Variants in DMD observed in about 807,000 individuals in gnomAD.
DMD encodes dystrophin, also known as mutant dystrophin.
In DMD, 63 loss-of-function variants were observed where a neutral mutation model predicts 330.1. The observed-to-expected ratio is 0.19, with a 90% CI of 0.16 to 0.24. The LOEUF (loss-of-function observed/expected upper bound fraction) is 0.24, where lower values mean the gene tolerates loss of function less well. DMD is among the 10% of genes least tolerant of loss of function. DMD has a pLI of 1.00. For synonymous variants in DMD, 1,223 were observed against 959.8 expected, an observed-to-expected ratio of 1.27 and a Z score of -5.07; for missense variants, 3,344 against 2,684.1, an observed-to-expected ratio of 1.25 and a Z score of -5.43.
chrX:32,872,658 G>C (rs1322966242), intron 2 of DMD, among the ~76,000 whole-genome samples: 1 of 112,135 alleles, frequency 8.9e-6, no homozygotes, highest in Non-Finnish European at 1.9e-5. Flanking sequence ...TTAAAAAGGA[G>C]ATTTTATAAA....
chrX:32,049,370 C>T (rs1346063880), intron 44 of DMD, among the ~76,000 whole-genome samples: 1 of 111,383 alleles, frequency 9.0e-6, no homozygotes, highest in African/African-American at 3.3e-5. Context: ...TCATGCATAA[C>T]CGCAACTACA....
chrX:31,479,901 C>T (rs535130630), intron 57 of DMD, among the ~76,000 whole-genome samples: 2 of 111,748 alleles, frequency 1.8e-5, no homozygotes, highest in Non-Finnish European at 3.8e-5. Flanking sequence ...CACACATAAT[C>T]GAGTGCTAAA....
rs1430593321 is a variant in DMD at position 31,683,919 on chromosome X, CTATAAG to C, written c.7661-4339_7661-4334del. On this transcript the variant is annotated intron_variant, in intron 52 of 78. Transcript: ENST00000357033. ...TTAATCACTTAATCATCATACAATCCTATAAGTATAATTGTTTACGTTCTTTTTCTA... is the reference window on the plus strand; with the variant it reads ...TTAATCACTTAATCATCATACAATCCTATAATTGTTTACGTTCTTTTTCTA... 2.9e-4 allele frequency among the ~76,000 whole-genome samples: 33 copies of C among 112,212 alleles called. 1 individual carries two copies. The highest frequency in any genetic ancestry group is 7.3e-4 in the South Asian group (2 of 2,728).
At chrX:32,539,669 A>G (rs766808342) in intron 17 of DMD, among the ~76,000 whole-genome samples, 4 of 112,195 alleles carry the variant, frequency 3.6e-5, no homozygotes, top group African/African-American at 9.7e-5. Flanking sequence ...GAGTCTCACA[A>G]AACTGCAGAG....
At chrX:33,285,816 C>T (rs1340987958) in intron 1 of DMD, among the ~76,000 whole-genome samples, 2 of 112,186 alleles carry the variant, frequency 1.8e-5, no homozygotes, top group Non-Finnish European at 3.8e-5. Context: ...ATGGAGATGG[C>T]CTATGGCCCC....
chrX:32,242,033 T>C (rs1382807087), intron 43 of DMD, among the ~76,000 whole-genome samples: 1 of 111,552 alleles, frequency 9.0e-6, no homozygotes, highest in Non-Finnish European at 1.9e-5. Context: ...AGACCCAAGA[T>C]AAGATGATTA....
chrX:31,801,630 TATTA>T (rs1377952720), intron 50 of DMD, among the ~76,000 whole-genome samples: 3 of 98,517 alleles, frequency 3.0e-5, no homozygotes, highest in African/African-American at 3.7e-5. Flanking sequence ...GTGCTAGATG[TATTA>T]ATTAATTTGA....
chrX:31,512,603 A>G (rs1194335591), intron 55 of DMD, among the ~76,000 whole-genome samples: 1 of 108,643 alleles, frequency 9.2e-6, no homozygotes, highest in African/African-American at 3.4e-5. Flanking sequence ...TCCTTTCCCC[A>G]TTGCTTGTTT....
chrX:32,857,089 AT>A (rs201380530), intron 2 of DMD, among the ~76,000 whole-genome samples: 157 of 110,296 alleles, frequency 1.4e-3, no homozygotes, highest in African/African-American at 3.0e-3. Flanking sequence ...AAAAAAAAAA[AT>A]TTGAAGTGGA....
intron 64 of DMD, among the ~76,000 whole-genome samples, chrX:31,216,552 A>AT (rs1344189395): frequency 8.9e-6 from 1 of 112,326 alleles, no homozygotes; most frequent in Non-Finnish European, 1.9e-5. Flanking sequence ...GAAAAAGTAG[A>AT]TTTTTGTAGG....
chrX:33,338,768 G>A (rs2054293154), intron 1 of DMD, among the ~76,000 whole-genome samples: 1 of 111,548 alleles, frequency 9.0e-6, no homozygotes. Context: ...AGAAATTGAT[G>A]AGGAGAAATG....
intron 62 of DMD, among the ~76,000 whole-genome samples, chrX:31,321,298 G>C (rs2056393975): frequency 9.1e-6 from 1 of 110,420 alleles, no homozygotes; most frequent in African/African-American, 3.3e-5. Context: ...TAGAAACCAA[G>C]GTTTGGCTGG....
intron 62 of DMD, among the ~76,000 whole-genome samples, chrX:31,275,927 A>G (rs2052075263): frequency 8.9e-6 from 1 of 112,523 alleles, no homozygotes; most frequent in Admixed American, 9.4e-5. Flanking sequence ...TATACTGTGC[A>G]TTGTTCTGTA....
chrX:32,321,737 C>A (rs1405491124), intron 41 of DMD, among the ~76,000 whole-genome samples: 1 of 111,817 alleles, frequency 8.9e-6, no homozygotes, highest in Non-Finnish European at 1.9e-5. Flanking sequence ...AATATCAAAA[C>A]CTTAACTGCA....
In DMD at chrX:32,496,700, C is replaced by T. The variant is rs73453710; in HGVS notation, c.2380+5055G>A. On this transcript the variant is annotated intron_variant, in intron 19 of 78. Coordinates refer to ENST00000357033, the MANE Select transcript of DMD (RefSeq NM_004006.3). ...TGCGAGTTCACCCGTGCATGCACGCCGTGCTCACACACACCCACAGAGGCT... is the reference window on the plus strand; with the variant it reads ...TGCGAGTTCACCCGTGCATGCACGCTGTGCTCACACACACCCACAGAGGCT... 6.1e-3 allele frequency among the ~76,000 whole-genome samples: 689 copies of T among 112,867 alleles called. 9 individuals are homozygous for T. The highest frequency in any genetic ancestry group is 0.02 in the African/African-American group (637 of 31,162).
At chrX:32,200,486 C>T (rs141123545) in intron 44 of DMD, among the ~76,000 whole-genome samples, 2,928 of 110,655 alleles carry the variant, frequency 0.026, 85 homozygotes, top group African/African-American at 0.087. Flanking sequence ...ATATGTAACA[C>T]GTTACATATG....
At chrX:31,137,604 C>T (rs2035416896) in intron 76 of DMD, among the ~76,000 whole-genome samples, 2 of 109,785 alleles carry the variant, frequency 1.8e-5, no homozygotes, top group Admixed American at 1.9e-4. Context: ...AGGCACTGTT[C>T]AAATGGTTGA....
intron 22 of DMD, among the ~76,000 whole-genome samples, chrX:32,471,060 T>C (rs111637376): frequency 0.013 from 1,462 of 111,391 alleles, 34 homozygotes; most frequent in African/African-American, 0.045. Context: ...GCAGATCATC[T>C]GAGGTCAGGA....
chrX:32,200,675 A>C (rs2147714538), intron 44 of DMD, among the ~76,000 whole-genome samples: 1 of 112,064 alleles, frequency 8.9e-6, no homozygotes, highest in South Asian at 3.7e-4. Context: ...TTAATTATAT[A>C]TTTTATTTAA....
Sources: allele counts gnomAD v4.1 joint callset (sites outside exome capture counted in the v4.1 genomes callset), GRCh38; gene constraint gnomAD v4.1.1; transcripts MANE v1.5; gene names NCBI Gene and HGNC (gene_info 2026-07-23, HGNC 2026-07-21).